BSN: variants seen among roughly 807,000 people sequenced by gnomAD.
The protein encoded by BSN is protein bassoon.
Under a neutral mutation model 264.8 loss-of-function variants are expected in BSN, and 57 were observed. That is an observed-to-expected ratio of 0.22 (90% CI 0.17 to 0.27). The LOEUF is 0.27. Among genes scored for constraint, BSN ranks in the 10% least tolerant of loss-of-function variants. The probability of loss-of-function intolerance (pLI) is 1.00; values close to 1 mark genes in which losing one functional copy is unlikely to be tolerated. For synonymous variants in BSN, 2,059 were observed against 2,137.3 expected, an observed-to-expected ratio of 0.96 and a Z score of 1.01; for missense variants, 4,615 against 5,232.5, an observed-to-expected ratio of 0.88 and a Z score of 3.64.
Position 49,652,974 on chromosome 3 carries a change from G to A in BSN, c.3418G>A (p.Asp1140Asn). The A allele has an allele frequency of 1.2e-6, 2 of 1,613,000 alleles. No individual in the cohort carries two copies. Among genetic ancestry groups the A allele is most frequent in the Non-Finnish European group, 1.7e-6 (2 of 1,179,562 alleles). Residue 1140 changes from aspartate to asparagine, a missense_variant, in exon 5 of 12, where the codon GAT becomes AAT. Physicochemically the swap from Asp to Asn is conservative, Grantham distance 23. Transcript: ENST00000296452. ...PSLDSEAEAL[D>N]GGPSRLYKSG... ...CCTTGACTCTGAGGCTGAGGCCTTGGATGGTGGCCCTAGCCGGCTTTACAA... is the reference window on the plus strand; with the variant it reads ...CCTTGACTCTGAGGCTGAGGCCTTGAATGGTGGCCCTAGCCGGCTTTACAA...
chr3:49,632,719 G>A (rs764447222), intron 2 of BSN, among the ~76,000 whole-genome samples: 24 of 151,774 alleles, frequency 1.6e-4, no homozygotes, highest in Non-Finnish European at 7.4e-5. Context: ...CAGGAGAATC[G>A]CTTGAGCCCA....
In BSN at chr3:49,661,181, C is replaced by T. The variant is rs2052650726; in HGVS notation, c.9336C>T (p.Phe3112=). Residue 3112 remains phenylalanine (F), a synonymous_variant, in exon 6 of 12, where the codon TTC becomes TTT. Transcript: ENST00000296452. ...AEPGLPNQQA[F]RPTGHYAGQT... ...CTGGCCTGCCAAACCAGCAGGCTTT[C>T]CGCCCCACAGGCCACTATGCAGGCC... 6.2e-7 allele frequency: 1 copy of T among 1,613,506 alleles called. No individual in the cohort carries two copies. Among genetic ancestry groups the T allele is most frequent in the Non-Finnish European group, 8.5e-7 (1 of 1,180,032 alleles).
rs761422788 is a variant in BSN, at chr3:49,642,288, G to C, written c.654G>C (p.Leu218=). ...HLTQVKEWLC[L]NCQMQRALGM... is the part of the protein sequence containing the mutation. ...CTCAGGTGAAGGAGTGGCTCTGTCT[G>C]AACTGTCAGATGCAGAGGGCTCTGG... The change falls in exon 3 of 12, where the codon CTG becomes CTC. Residue 218 remains leucine, a synonymous_variant. Transcript: ENST00000296452. This position sits in a 1 kb window ranked among gnomAD's most constrained non-coding sequence, Gnocchi z 7.0. The C allele has an allele frequency of 2.7e-5, 42 of 1,549,828 alleles. No homozygotes were observed. Among genetic ancestry groups the C allele is most frequent in the Non-Finnish European group, 3.6e-5 (42 of 1,151,338 alleles).
Position 49,651,164 on chromosome 3 carries a change from G to T in BSN, c.1986+85G>T. On this transcript the variant is annotated intron_variant, in intron 4 of 11. Transcript: ENST00000296452. The surrounding 1 kb of genome is among the most constrained non-coding windows in gnomAD (Gnocchi z 5.4). ...CTTGCCTCCCTGGGTGGCTGAGGCTGTAGGCTCAGGACAGGTGCCTTGGGG... is the reference window on the plus strand; with the variant it reads ...CTTGCCTCCCTGGGTGGCTGAGGCTTTAGGCTCAGGACAGGTGCCTTGGGG... The T allele has an allele frequency of 7.4e-7, 1 of 1,346,418 alleles. No homozygotes were observed. The highest frequency in any genetic ancestry group is 1.4e-5 in the South Asian group (1 of 72,234). The allele number at this position is 1,346,418 out of a possible 1,614,324, so 83.4% of individuals were successfully genotyped here.
At chr3:49,611,233 G>C (rs1179622971) in intron 1 of BSN, among the ~76,000 whole-genome samples, 57 of 152,220 alleles carry the variant, frequency 3.7e-4, no homozygotes, top group Admixed American at 3.7e-3. Flanking sequence ...GAGCTGACAA[G>C]CACAGCATTG....
At chr3:49,658,272 T>G (rs961932465) in intron 5 of BSN, 76 bp downstream of exon 5, 11 of 1,455,622 alleles carry the variant, frequency 7.6e-6, no homozygotes, top group South Asian at 1.5e-5. Flanking sequence ...GGGAGGGGCT[T>G]CTTCTGGGGT....
chr3:49,610,584 C>CAAAAAAAAAAAAA (rs60726552), intron 1 of BSN, among the ~76,000 whole-genome samples: 1 of 71,206 alleles, frequency 1.4e-5, no homozygotes, highest in African/African-American at 6.0e-5. Flanking sequence ...AATTTCATCT[C>CAAAAAAAAAAAAA]AAAAAAAAAA....
intron 2 of BSN, among the ~76,000 whole-genome samples, chr3:49,634,823 A>G (rs990678484): frequency 1.3e-4 from 20 of 152,264 alleles, no homozygotes; most frequent in Admixed American, 1.0e-3. Context: ...ATTTTAACAC[A>G]CACTATATAT....
Position 49,653,016 on chromosome 3 carries a change from AACCTGCCC to A in BSN, c.3465_3472del (p.Pro1156HisfsTer27). 6.2e-7 allele frequency: 1 copy of A among 1,613,550 alleles called. No homozygotes were observed. Among genetic ancestry groups the A allele is most frequent in the Non-Finnish European group, 8.5e-7 (1 of 1,179,958 alleles). The stretch of plus-strand genomic sequence containing the variant: ...GCTTTACAAGTCAGGCAGTGAGTAC[AACCTGCCC>A]ACCTTCATGTCCCTCTACTCACCAA... On this transcript the variant is annotated frameshift_variant, in exon 5 of 12. Coordinates refer to ENST00000296452, the MANE Select transcript of BSN (RefSeq NM_003458.4). LOFTEE classifies it high-confidence loss of function. This position sits in a 1 kb window ranked among gnomAD's most constrained non-coding sequence, Gnocchi z 6.3.
chr3:49,599,983 C>G (rs2052059500), intron 1 of BSN, among the ~76,000 whole-genome samples: 1 of 152,198 alleles, frequency 6.6e-6, no homozygotes, highest in South Asian at 2.1e-4. Context: ...TGCTTAGGCC[C>G]TGGCCTGCTT....
intron 2 of BSN, among the ~76,000 whole-genome samples, chr3:49,639,142 C>T (rs948633034): frequency 2.0e-5 from 3 of 151,992 alleles, no homozygotes; most frequent in Non-Finnish European, 4.4e-5. Context: ...ATTGTTTTCT[C>T]TCTGGCTTTC....
Position 49,657,849 on chromosome 3 carries a change from C to G in BSN, c.8293C>G (p.Pro2765Ala). 1 of 1,612,022 alleles carries G rather than the reference C, an allele frequency of 6.2e-7. No homozygotes were observed. Among genetic ancestry groups the G allele is most frequent in the Non-Finnish European group, 8.5e-7 (1 of 1,179,384 alleles). Residue 2765 changes from proline to alanine, a missense_variant, in exon 5 of 12, where the codon CCC (proline) becomes GCC (alanine). By Grantham distance (27) the Pro-to-Ala change is conservative (BLOSUM62 -1). Transcript: ENST00000296452. ...CAGATTTGAAAAAAAGAAGCCAGAT[C>G]CCCTGGAGATTGGGTACCAGGCCCA... Reference protein sequence around the residue: ...LGRFEKKKPDPLEIGYQAHLP... With the variant: ...LGRFEKKKPDALEIGYQAHLP...
chr3:49,557,916 A>T (rs2051686780), intron 1 of BSN, among the ~76,000 whole-genome samples: 1 of 152,166 alleles, frequency 6.6e-6, no homozygotes, highest in South Asian at 2.1e-4. Context: ...CGATCAGCTA[A>T]GGTGTATTTG....
chr3:49,643,671 T>G (rs2052485338), intron 3 of BSN, among the ~76,000 whole-genome samples: 1 of 152,192 alleles, frequency 6.6e-6, no homozygotes, highest in South Asian at 2.1e-4. Context: ...CAACCTTGAT[T>G]GTCTCTTCTG....
Position 49,655,089 on chromosome 3 carries a change from A to G in BSN, c.5533A>G (p.Thr1845Ala). ...PEPGAEPHRA[T>A]PAELRSHALP... ...GCCAGGTGCCGAGCCCCACCGGGCC[A>G]CCCCTGCAGAGCTGCGGTCACATGC... Residue 1845 changes from threonine (T) to alanine (A), a missense_variant, in exon 5 of 12, where the codon ACC becomes GCC. Thr to Ala is a moderately conservative substitution (Grantham distance 58). Around this residue, in one of 3 missense-constraint regions of BSN, gnomAD observed 3,415 missense variants for 3,866.4 expected, o/e 0.88. Coordinates refer to ENST00000296452, the MANE Select transcript of BSN (RefSeq NM_003458.4). The G allele has an allele frequency of 6.2e-7, 1 of 1,612,850 alleles. No homozygotes were observed.
Position 49,565,923 on chromosome 3 carries a change from G to A in BSN, c.224+11097G>A, listed in dbSNP as rs533215478. On this transcript the variant is annotated intron_variant, in intron 1 of 11. Transcript: ENST00000296452. Reference sequence around the variant, plus strand: ...TGTAACCTCCACCTCACGGGTTCAAGCAATTCTCCCTGCCTCAGCCTCTCG... The same window carrying A: ...TGTAACCTCCACCTCACGGGTTCAAACAATTCTCCCTGCCTCAGCCTCTCG... Among the ~76,000 whole-genome samples the A allele has an allele frequency of 4.6e-5, 7 of 152,120 alleles. No homozygotes were observed. The South Asian group carries it at 1.2e-3, about 27-fold the overall frequency.
rs2051650838 is a variant in BSN at position 49,554,748 on chromosome 3, C to T, written c.146C>T (p.Ala49Val). 8.1e-7 allele frequency: 1 copy of T among 1,230,548 alleles called. No individual in the cohort carries two copies. The highest frequency in any genetic ancestry group is 1.0e-6 in the Non-Finnish European group (1 of 984,938). 76.2% of individuals were successfully genotyped at this position (1,230,548 alleles called of 1,614,324 possible). The change falls in exon 1 of 12, where the codon GCG (alanine) becomes GTG (valine). Residue 49 changes from alanine to valine, a missense_variant. Physicochemically the swap from Ala to Val is moderately conservative, Grantham distance 64 (BLOSUM62 0). This residue lies in a region of BSN where 1,197 missense variants were observed against 1,348.0 expected (regional missense o/e 0.89). Transcript: ENST00000296452. ...APAGGGQLPA[A>V]GAARSTAVPP... ...GCCGGTGGCGGACAGCTCCCCGCGG[C>T]GGGAGCAGCGCGGTCGACCGCGGTA... is the stretch of plus-strand genomic sequence containing the variant.
At chr3:49,590,375 T>G (rs1285779491) in intron 1 of BSN, among the ~76,000 whole-genome samples, 1 of 152,230 alleles carries the variant, frequency 6.6e-6, no homozygotes, top group Non-Finnish European at 1.5e-5. Context: ...TCCATTTTCA[T>G]TTAATTAACA....
chr3:49,629,481 C>A (rs1436854742), intron 2 of BSN, among the ~76,000 whole-genome samples: 1 of 152,236 alleles, frequency 6.6e-6, no homozygotes, highest in Non-Finnish European at 1.5e-5. Context: ...GGAATATGAA[C>A]CGTGGCCTGG....
Sources: allele counts gnomAD v4.1 joint callset (sites outside exome capture counted in the v4.1 genomes callset), GRCh38; gene constraint gnomAD v4.1.1; regional missense constraint gnomAD v4.1.1; non-coding constraint Gnocchi (gnomAD v3.1); transcripts MANE v1.5; gene names NCBI Gene and HGNC (gene_info 2026-07-23, HGNC 2026-07-21).